RNF122: variants seen among roughly 807,000 people sequenced by gnomAD.
RNF122 encodes the protein ring finger protein 122.
RNF122 carries 17 observed loss-of-function variants against 24.2 expected under a neutral mutation model. That is an observed-to-expected ratio of 0.70 (90% confidence interval 0.48 to 1.06). The LOEUF (loss-of-function observed/expected upper bound fraction) is 1.06, where lower values mean the gene tolerates loss of function less well. Ranked by LOEUF, RNF122 falls within the 50% of genes least tolerant of loss-of-function variation. The probability of loss-of-function intolerance (pLI) is 0.00; values close to 1 mark genes in which losing one functional copy is unlikely to be tolerated. For missense variants in RNF122, 168 were observed against 198.1 expected (o/e 0.85, Z 0.91); for synonymous variants, 65 against 71.8 (o/e 0.91, Z 0.48).
intron 2 of RNF122, among the ~76,000 whole-genome samples, chr8:33,554,366 C>A (rs1810419128): frequency 6.6e-6 from 1 of 152,204 alleles, no homozygotes. Context: ...CAGATGCTGT[C>A]TTTTTCTGTT....
In RNF122 at chr8:33,556,409, C is replaced by T. The variant is rs371063049; in HGVS notation, c.182+2206G>A. Among the ~76,000 whole-genome samples the T allele has an allele frequency of 1.6e-3, 248 of 152,206 alleles. 3 individuals carry two copies. The highest frequency in any genetic ancestry group is 5.7e-3 in the African/African-American group (235 of 41,552). On this transcript the variant is annotated intron_variant, in intron 2 of 5. Transcript: ENST00000256257. ...AATTACAGGCAAGGGCCATGGTGCC[C>T]GGCCTAGATGGTCTCTTGAAGCCCT...
chr8:33,565,836 C>A (rs1217448202), intron 1 of RNF122, among the ~76,000 whole-genome samples: 1 of 152,170 alleles, frequency 6.6e-6, no homozygotes, highest in Non-Finnish European at 1.5e-5. Context: ...GAGCTCTCTG[C>A]GAGGGTTTAT....
rs570284142 is a variant in RNF122 at position 33,566,991 on chromosome 8, G to A, written c.-268C>T. 2.4e-3 allele frequency: 1,154 copies of A among 488,208 alleles called. 5 individuals carry two copies. The highest frequency in any genetic ancestry group is 3.3e-3 in the Non-Finnish European group (895 of 271,436). 30.2% of individuals were successfully genotyped at this position (488,208 alleles called of 1,614,324 possible). On this transcript the variant is annotated 5_prime_UTR_variant, in exon 1 of 6. Coordinates refer to ENST00000256257, the MANE Select transcript of RNF122 (RefSeq NM_024787.3). Reference sequence around the variant, plus strand: ...GCACGCGCCAAGGGCCCCGGGCTGGGGGAATGTGGGGCGCCGCGGGGCGGG... The same window carrying A: ...GCACGCGCCAAGGGCCCCGGGCTGGAGGAATGTGGGGCGCCGCGGGGCGGG...
At chr8:33,555,753 C>T (rs1362954036) in intron 2 of RNF122, among the ~76,000 whole-genome samples, 1 of 152,228 alleles carries the variant, frequency 6.6e-6, no homozygotes, top group Admixed American at 6.5e-5. Flanking sequence ...AGATCCTGAA[C>T]AGTCTGAGCA....
rs1277263596 is a variant in RNF122 at position 33,558,707 on chromosome 8, G to A, written c.90C>T (p.Phe30=). 1 of 1,611,688 alleles carries A rather than the reference G, an allele frequency of 6.2e-7. No individual in the cohort carries two copies. The highest frequency in any genetic ancestry group is 8.5e-7 in the Non-Finnish European group (1 of 1,178,438). ...TATAGATGTTGAGCGGAAGGTCCTGGAAACTGATGGGTGGCATCGAGCAGG... is the reference window on the plus strand; with the variant it reads ...TATAGATGTTGAGCGGAAGGTCCTGAAAACTGATGGGTGGCATCGAGCAGG... ...NKSCSMPPIS[F]QDLPLNIYMV... Residue 30 remains phenylalanine, a synonymous_variant, in exon 2 of 6, where the codon TTC becomes TTT. Transcript: ENST00000256257.
chr8:33,560,147 C>T (rs1421809259), intron 1 of RNF122, among the ~76,000 whole-genome samples: 1 of 151,804 alleles, frequency 6.6e-6, no homozygotes, highest in African/African-American at 2.4e-5. Flanking sequence ...TAGCCAGGAC[C>T]TACGTTTTAA....
Position 33,558,686 on chromosome 8 carries a change from G to A in RNF122, c.111C>T (p.Ile37=). The change falls in exon 2 of 6, where the codon ATC becomes ATT. Residue 37 remains isoleucine, a synonymous_variant. Transcript: ENST00000256257. The stretch of plus-strand genomic sequence containing the variant: ...TGCCTGTGCCGAAGATGACCATATA[G>A]ATGTTGAGCGGAAGGTCCTGGAAAC... ...PISFQDLPLN[I]YMVIFGTGIF... 6.2e-7 allele frequency: 1 copy of A among 1,612,446 alleles called. No homozygotes were observed. Among genetic ancestry groups the A allele is most frequent in the Non-Finnish European group, 8.5e-7 (1 of 1,178,780 alleles).
At chr8:33,559,386 A>G (rs750470557) in intron 1 of RNF122, among the ~76,000 whole-genome samples, 3 of 152,072 alleles carry the variant, frequency 2.0e-5, no homozygotes, top group Non-Finnish European at 4.4e-5. Flanking sequence ...GTAGGAGCCC[A>G]TATTGCCTTA....
intron 4 of RNF122, among the ~76,000 whole-genome samples, chr8:33,549,867 CA>C (rs1810344420): frequency 6.6e-6 from 1 of 151,652 alleles, no homozygotes; most frequent in Non-Finnish European, 1.5e-5. Context: ...TTGCCCAATA[CA>C]TTTGGTGATG....
intron 2 of RNF122, among the ~76,000 whole-genome samples, chr8:33,553,106 G>C (rs1038917486): frequency 1.4e-5 from 2 of 146,140 alleles, no homozygotes; most frequent in African/African-American, 5.1e-5. Context: ...CCTCCTCTAT[G>C]TGTGCTATGG....
In RNF122 at chr8:33,548,580, C is replaced by T. The variant is rs78623242; in HGVS notation, c.*173G>A. 5.6e-6 allele frequency: 3 copies of T among 535,770 alleles called. No homozygotes were observed. Among genetic ancestry groups the T allele is most frequent in the East Asian group, 2.9e-5 (1 of 34,504 alleles). The allele number at this position is 535,770 out of a possible 1,614,324, so 33.2% of individuals were successfully genotyped here. ...GGCTTCAGGAGGCAGGAAGTGGGGG[C>T]ACATCTGGCACTGGTCTTGCACTGA... On this transcript the variant is annotated 3_prime_UTR_variant, in exon 6 of 6. Coordinates refer to ENST00000256257, the MANE Select transcript of RNF122 (RefSeq NM_024787.3).
chr8:33,558,003 C>T (rs984392561), intron 2 of RNF122, among the ~76,000 whole-genome samples: 12 of 152,000 alleles, frequency 7.9e-5, no homozygotes, highest in South Asian at 2.1e-4. Context: ...ACTAGCCAGG[C>T]GTGGTGGCGT....
intron 2 of RNF122, among the ~76,000 whole-genome samples, chr8:33,553,830 G>A (rs1210969913): frequency 2.6e-5 from 4 of 152,186 alleles, no homozygotes; most frequent in Admixed American, 2.0e-4. Context: ...CAGGTGTCCT[G>A]GCGAGGTTCA....
At chr8:33,558,876 A>G (rs1056148733) in intron 1 of RNF122, 105 bp from the exon 2 acceptor site, 6 of 816,328 alleles carry the variant, frequency 7.3e-6, no homozygotes, top group Non-Finnish European at 1.1e-5. Context: ...TGGGCACCTA[A>G]GCCTCAGATT....
chr8:33,565,005 C>A (rs1219114457), intron 1 of RNF122, among the ~76,000 whole-genome samples: 1 of 152,226 alleles, frequency 6.6e-6, no homozygotes, highest in Non-Finnish European at 1.5e-5. Flanking sequence ...TCCATTGTCT[C>A]GGCCAACCTA....
chr8:33,554,857 G>C (rs139828600), intron 2 of RNF122, among the ~76,000 whole-genome samples: 1 of 152,334 alleles, frequency 6.6e-6, no homozygotes, highest in Admixed American at 6.5e-5. Context: ...TCAGCTCTGA[G>C]AGAGGGGGAA....
At chr8:33,549,583 TG>T in intron 4 of RNF122, 91 bp from the exon 5 acceptor site, 5 of 937,420 alleles carry the variant, frequency 5.3e-6, no homozygotes, top group Non-Finnish European at 8.6e-6. Context: ...TAGCCTAGTC[TG>T]TTCTACCAGG....
rs1394834890 is a variant in RNF122 at position 33,560,282 on chromosome 8, C to T, written c.26-1511G>A. ...GGCCTACTCATCATGATAGTCACCTCTCCCTTCCCCCCTTGCCAGTATTTG... is the reference window on the plus strand; with the variant it reads ...GGCCTACTCATCATGATAGTCACCTTTCCCTTCCCCCCTTGCCAGTATTTG... On this transcript the variant is annotated intron_variant, in intron 1 of 5. Transcript: ENST00000256257. 4.6e-5 allele frequency among the ~76,000 whole-genome samples: 7 copies of T among 152,328 alleles called. No homozygotes were observed. In the East Asian group the frequency reaches 1.2e-3, roughly 25 times the overall value.
rs774004086 is a variant in RNF122, at chr8:33,548,840, G to A, written c.381C>T (p.Arg127=). Residue 127 remains arginine, a synonymous_variant, in exon 6 of 6, where the codon CGC becomes CGT. Transcript: ENST00000256257. ...RKCLVKWLEV[R]CVCPMCNKPI... is the part of the protein sequence containing the mutation. ...GCTTGTTACACATGGGGCAGACACA[G>A]CGAACTTCCAGCCATTTCACCAGAC... is the stretch of plus-strand genomic sequence containing the variant. 1 of 1,613,946 alleles carries A rather than the reference G, an allele frequency of 6.2e-7. No individual in the cohort carries two copies. Among genetic ancestry groups the A allele is most frequent in the South Asian group, 1.1e-5 (1 of 91,078 alleles).
Sources: allele counts gnomAD v4.1 joint callset (sites outside exome capture counted in the v4.1 genomes callset), GRCh38; gene constraint gnomAD v4.1.1; transcripts MANE v1.5; gene names NCBI Gene and HGNC (gene_info 2026-07-23, HGNC 2026-07-21).